The following ARHGEF12 variants were observed in gnomAD, a reference collection of about 807,000 sequenced individuals.
ARHGEF12 encodes the protein KMT2A/ARHGEF12 fusion protein.
ARHGEF12 carries 66 observed loss-of-function variants against 211.2 expected under a neutral mutation model. That is an observed-to-expected ratio of 0.31 (90% confidence interval 0.26 to 0.38). ARHGEF12 has a LOEUF of 0.38. Among genes scored for constraint, ARHGEF12 ranks in the 10% least tolerant of loss-of-function variants. The pLI, the probability that ARHGEF12 is intolerant of heterozygous loss-of-function variation, is 1.00. For missense variants in ARHGEF12, 1,429 were observed against 1,869.5 expected (o/e 0.76, Z 4.34); for synonymous variants, 592 against 638.4 (o/e 0.93, Z 1.09).
intron 1 of ARHGEF12, among the ~76,000 whole-genome samples, chr11:120,361,211 G>A (rs905635583): frequency 2.6e-5 from 4 of 152,218 alleles, no homozygotes; most frequent in Admixed American, 1.3e-4. Context: ...AGCAGGAGGT[G>A]AGCTGCCAGG....
intron 18 of ARHGEF12, 82 bp from the exon 19 acceptor site, chr11:120,447,792 G>T (rs1591604272): frequency 1.0e-6 from 1 of 960,534 alleles, no homozygotes; most frequent in African/African-American, 1.7e-5. Flanking sequence ...CTCCAGCCTG[G>T]GTGGCAGAGT....
At chr11:120,407,680 A>AT in intron 2 of ARHGEF12, 58 bp from the exon 3 acceptor site, 1 of 1,367,082 alleles carries the variant, frequency 7.3e-7, no homozygotes, top group South Asian at 1.2e-5. Flanking sequence ...AGAATTTTAA[A>AT]TTTTTTATTC....
intron 4 of ARHGEF12, among the ~76,000 whole-genome samples, chr11:120,416,746 G>C (rs946558913): frequency 7.9e-5 from 12 of 152,090 alleles, no homozygotes; most frequent in African/African-American, 2.9e-4. Flanking sequence ...TGCCTCCTGG[G>C]TTCAAGCGAT....
intron 22 of ARHGEF12, among the ~76,000 whole-genome samples, chr11:120,454,546 CA>C (rs1244501487): frequency 1.3e-5 from 2 of 151,802 alleles, no homozygotes; most frequent in African/African-American, 4.8e-5. Context: ...TGGCTTAACA[CA>C]AAAAAAATTT....
At position 120,426,813 on chromosome 11, in the gene ARHGEF12, T is replaced by C. The variant is rs555753848; in HGVS notation, c.407-1256T>C. 1.6e-4 allele frequency among the ~76,000 whole-genome samples: 24 copies of C among 152,298 alleles called. 1 individual carries two copies. The highest frequency in any genetic ancestry group is 1.2e-3 in the South Asian group (6 of 4,826). On this transcript the variant is annotated intron_variant, in intron 7 of 40. Transcript: ENST00000397843. ...TACATTTAAAAGTTCTATTGAAATA[T>C]CTAAGAAAAAAGTTTTGCCATATCT... is the stretch of plus-strand genomic sequence containing the variant.
intron 1 of ARHGEF12, among the ~76,000 whole-genome samples, chr11:120,370,577 A>C (rs1462877792): frequency 6.6e-6 from 1 of 152,120 alleles, no homozygotes; most frequent in African/African-American, 2.4e-5. Context: ...AGGCATATTT[A>C]TGATATTGTC....
chr11:120,431,067 A>G (rs1204466618), intron 10 of ARHGEF12, among the ~76,000 whole-genome samples: 1 of 152,126 alleles, frequency 6.6e-6, no homozygotes. Context: ...AGGCGGGCAG[A>G]TCATCTGAGG....
rs140530589 is a variant in ARHGEF12 at position 120,377,314 on chromosome 11, G to T, written c.33-28804G>T. 2.1e-3 allele frequency among the ~76,000 whole-genome samples: 320 copies of T among 152,098 alleles called. 7 individuals carry two copies. In the Middle Eastern group the frequency reaches 0.024, roughly 11 times the overall value. On this transcript the variant is annotated intron_variant, in intron 1 of 40. Coordinates refer to ENST00000397843, the MANE Select transcript of ARHGEF12 (RefSeq NM_015313.3). ...CTTCATGTAAATGAAATCATGTACA[G>T]TATGTAATCTTTCTGTGTCTGTCTT...
rs181568159 is a variant in ARHGEF12, at chr11:120,413,069, A to G, written c.199+3619A>G. 1.9e-4 allele frequency among the ~76,000 whole-genome samples: 29 copies of G among 152,324 alleles called. No homozygotes were observed. The East Asian group carries it at 5.6e-3, about 29-fold the overall frequency. ...CTTGACTTGTCAGATTAATATTACT[A>G]AAGTAAGAATTTGGTCATTCACTTG... On this transcript the variant is annotated intron_variant, in intron 4 of 40. Coordinates refer to ENST00000397843, the MANE Select transcript of ARHGEF12 (RefSeq NM_015313.3).
intron 1 of ARHGEF12, among the ~76,000 whole-genome samples, chr11:120,395,056 CAAAAAAA>C (rs758953056): frequency 2.0e-4 from 7 of 34,612 alleles, no homozygotes; most frequent in Middle Eastern, 0.015. Flanking sequence ...GACTCTATCT[CAAAAAAA>C]AAAAAAAAAA....
intron 1 of ARHGEF12, among the ~76,000 whole-genome samples, chr11:120,399,505 G>A (rs1055489241): frequency 6.6e-6 from 1 of 151,982 alleles, no homozygotes; most frequent in African/African-American, 2.4e-5. Context: ...TCTGGCATAT[G>A]TATGACTGTG....
intron 1 of ARHGEF12, among the ~76,000 whole-genome samples, chr11:120,340,275 A>C (rs1054369863): frequency 6.6e-6 from 1 of 152,214 alleles, no homozygotes; most frequent in African/African-American, 2.4e-5. Flanking sequence ...ATGCCCTTTT[A>C]GTAGACTCAG....
Position 120,428,115 on chromosome 11 carries a change from GC to G in ARHGEF12, c.457del (p.Gln153ArgfsTer9). The G allele has an allele frequency of 6.2e-7, 1 of 1,607,548 alleles. No homozygotes were observed. Among genetic ancestry groups the G allele is most frequent in the South Asian group, 1.1e-5 (1 of 89,064 alleles). On this transcript the variant is annotated frameshift_variant, in exon 8 of 41. Transcript: ENST00000397843. LOFTEE classifies it high-confidence loss of function. Reference sequence around the variant, plus strand: ...CTGTTCAGGGACGCCCACCTGGGTCGCCCCAGATTCCACTTGCCGACTCTGA... The same window carrying G: ...CTGTTCAGGGACGCCCACCTGGGTCGCCCAGATTCCACTTGCCGACTCTGA... ...LTVQGRPPGSPQIPLADSEVE... is the reference protein window; with the variant it reads ...LTVQGRPPGSXQIPLADSEVE...
intron 11 of ARHGEF12, among the ~76,000 whole-genome samples, chr11:120,435,393 A>G (rs749322229): frequency 7.2e-5 from 11 of 152,034 alleles, no homozygotes; most frequent in Non-Finnish European, 1.3e-4. Flanking sequence ...CATAGATGAT[A>G]CTATGTACAT....
Position 120,337,106 on chromosome 11 carries a change from A to G in ARHGEF12, c.-138A>G. The G allele has an allele frequency of 9.9e-7, 1 of 1,014,622 alleles. No individual in the cohort carries two copies. The highest frequency in any genetic ancestry group is 1.5e-6 in the Non-Finnish European group (1 of 652,078). 62.9% of individuals were successfully genotyped at this position (1,014,622 alleles called of 1,614,324 possible). Reference sequence around the variant, plus strand: ...GACCCCTTACAGTCGGATGGTCTAGATGACTGAATGGAGTTTTGAGTTGGA... The same window carrying G: ...GACCCCTTACAGTCGGATGGTCTAGGTGACTGAATGGAGTTTTGAGTTGGA... On this transcript the variant is annotated 5_prime_UTR_variant, in exon 1 of 41. It removes an upstream start codon present in the reference 5' UTR. Transcript: ENST00000397843.
intron 11 of ARHGEF12, among the ~76,000 whole-genome samples, chr11:120,433,691 C>A (rs995195921): frequency 2.6e-5 from 4 of 152,178 alleles, no homozygotes; most frequent in Non-Finnish European, 4.4e-5. Context: ...CGCCGTGGAT[C>A]ACGCCTGTAA....
rs1049355648 is a variant in ARHGEF12, at chr11:120,485,449, A to T, written c.*372A>T. 4.0e-6 allele frequency: 1 copy of T among 251,186 alleles called. No homozygotes were observed. Among genetic ancestry groups the T allele is most frequent in the African/African-American group, 2.2e-5 (1 of 45,934 alleles). The allele number at this position is 251,186 out of a possible 1,614,324, so 15.6% of individuals were successfully genotyped here. A position where few individuals can be genotyped will look rare whatever the true frequency, so the allele number is the denominator to read the frequency against. ...GACTTCATTCCGTATTTGAAAGCAC[A>T]TTTTAATTTTTATTTGCCTTGTTTT... is the stretch of plus-strand genomic sequence containing the variant. On this transcript the variant is annotated 3_prime_UTR_variant, in exon 41 of 41. Transcript: ENST00000397843.
chr11:120,421,102 T>C (rs2135670999), intron 5 of ARHGEF12, among the ~76,000 whole-genome samples: 1 of 152,330 alleles, frequency 6.6e-6, no homozygotes, highest in East Asian at 1.9e-4. Context: ...TCATGATACT[T>C]TATTGTCCAC....
intron 31 of ARHGEF12, among the ~76,000 whole-genome samples, chr11:120,473,719 G>A (rs1181875547): frequency 6.6e-6 from 1 of 152,230 alleles, no homozygotes; most frequent in East Asian, 1.9e-4. Flanking sequence ...TTAAATAAGG[G>A]TAGGACTGTT....
Sources: allele counts gnomAD v4.1 joint callset (sites outside exome capture counted in the v4.1 genomes callset), GRCh38; gene constraint gnomAD v4.1.1; transcripts MANE v1.5; gene names NCBI Gene and HGNC (gene_info 2026-07-23, HGNC 2026-07-21).